Variants in AFF3 observed in about 807,000 individuals in gnomAD.
The protein encoded by AFF3 is AF4/FMR2 family member 3.
In AFF3, 32 loss-of-function variants were observed where a neutral mutation model predicts 129.7. The observed-to-expected ratio is 0.25, with a 90% CI of 0.19 to 0.33. The LOEUF (loss-of-function observed/expected upper bound fraction) is 0.33, where lower values mean the gene tolerates loss of function less well. Ranked by LOEUF, AFF3 falls within the 10% of genes least tolerant of loss-of-function variation. AFF3 has a pLI of 1.00. For missense variants in AFF3, 1,373 were observed against 1,592.0 expected (o/e 0.86, Z 2.34); for synonymous variants, 644 against 635.4 (o/e 1.01, Z -0.20).
chr2:99,816,407 A>G (rs1057225294), intron 8 of AFF3, among the ~76,000 whole-genome samples: 10 of 152,148 alleles, frequency 6.6e-5, no homozygotes, highest in Non-Finnish European at 1.0e-4. Flanking sequence ...TAAGTCTTGT[A>G]ATTTTTTGTT....
chr2:100,114,340 G>A (rs1252496342), intron 2 of AFF3, among the ~76,000 whole-genome samples: 1 of 152,104 alleles, frequency 6.6e-6, no homozygotes, highest in Non-Finnish European at 1.5e-5. Flanking sequence ...CTAAGGGTAC[G>A]GCCCTGTGTG....
rs147226945 is a variant in AFF3, at chr2:99,871,457, C to T, written c.874-33933G>A. 2.5e-4 allele frequency among the ~76,000 whole-genome samples: 38 copies of T among 151,964 alleles called. No homozygotes were observed. In the East Asian group the frequency reaches 5.0e-3, roughly 20 times the overall value. Reference sequence around the variant, plus strand: ...TCAATGAATTCTCTATGATCCATCGCGAAAATAGATTAAAAACCCAGATAA... The same window carrying T: ...TCAATGAATTCTCTATGATCCATCGTGAAAATAGATTAAAAACCCAGATAA... On this transcript the variant is annotated intron_variant, in intron 7 of 24. Coordinates refer to ENST00000672756, the MANE Select transcript of AFF3 (RefSeq NM_001386135.1).
At chr2:100,127,404 A>G (rs1471652794) in intron 2 of AFF3, among the ~76,000 whole-genome samples, 1 of 152,136 alleles carries the variant, frequency 6.6e-6, no homozygotes, top group Non-Finnish European at 1.5e-5. Context: ...CAAGGTTCAG[A>G]AAGGTTGAGG....
At chr2:99,926,717 A>G (rs1696271276) in intron 7 of AFF3, among the ~76,000 whole-genome samples, 1 of 151,932 alleles carries the variant, frequency 6.6e-6, no homozygotes, top group South Asian at 2.1e-4. Context: ...TGGGGGTTAC[A>G]GAGGATTAAG....
intron 7 of AFF3, among the ~76,000 whole-genome samples, chr2:99,876,508 C>T (rs1692310909): frequency 6.6e-6 from 1 of 152,104 alleles, no homozygotes; most frequent in African/African-American, 2.4e-5. Context: ...AGTGCTGTCA[C>T]TGTATCCTAA....
Position 99,547,204 on chromosome 2 carries a change from A to G in AFF3, c.*4270T>C, listed in dbSNP as rs890328858. On this transcript the variant is annotated 3_prime_UTR_variant, in exon 25 of 25. Transcript: ENST00000672756. ...GATTCTCAAGTTTCCGTGTAAAAATATTCACAGAAATTGGTGGATGTCTTT... is the reference window on the plus strand; with the variant it reads ...GATTCTCAAGTTTCCGTGTAAAAATGTTCACAGAAATTGGTGGATGTCTTT... 3.7e-5 allele frequency: 8 copies of G among 215,294 alleles called. No homozygotes were observed. Among genetic ancestry groups the G allele is most frequent in the African/African-American group, 1.4e-4 (6 of 44,340 alleles). The allele number at this position is 215,294 out of a possible 1,614,324, so 13.3% of individuals were successfully genotyped here. A position where few individuals can be genotyped will look rare whatever the true frequency, so the allele number is the denominator to read the frequency against.
At chr2:99,768,262 G>A (rs542433950) in intron 8 of AFF3, among the ~76,000 whole-genome samples, 1 of 152,242 alleles carries the variant, frequency 6.6e-6, no homozygotes, top group East Asian at 1.9e-4. Flanking sequence ...GCAAATGCAG[G>A]AGAGTGAAAC....
intron 4 of AFF3, among the ~76,000 whole-genome samples, chr2:100,053,598 T>C (rs574330424): frequency 3.2e-4 from 49 of 152,330 alleles, no homozygotes; most frequent in African/African-American, 1.0e-3. Context: ...CCTATTATGA[T>C]GAGACATATC....
chr2:99,756,173 CT>C (rs1682083024), intron 8 of AFF3, among the ~76,000 whole-genome samples: 2 of 152,216 alleles, frequency 1.3e-5, no homozygotes. Flanking sequence ...AGCCTAATGG[CT>C]CCCTCCAAAA....
At chr2:99,560,626 A>G (rs1057400347) in intron 20 of AFF3, among the ~76,000 whole-genome samples, 190 bp from the exon 21 acceptor site, 8 of 152,194 alleles carry the variant, frequency 5.3e-5, no homozygotes, top group African/African-American at 1.7e-4. Context: ...CAAGTATTAC[A>G]TTACTGTGAT....
rs372846610 is a variant in AFF3 at position 99,588,329 on chromosome 2, A to T, written c.2467-1051T>A. On this transcript the variant is annotated intron_variant, in intron 15 of 24. Transcript: ENST00000672756. The stretch of plus-strand genomic sequence containing the variant: ...GTAGCTGGGAATGCAAGTGTGTGCC[A>T]CCATGCCTGGCTAATTTTTTGTATT... Among the ~76,000 whole-genome samples, 11 of 152,126 alleles carry T rather than the reference A, an allele frequency of 7.2e-5. No homozygotes were observed. In the South Asian group the frequency reaches 1.2e-3, roughly 17 times the overall value.
At chr2:99,583,085 T>G in intron 16 of AFF3, 86 bp from the exon 17 acceptor site, 3 of 1,186,842 alleles carry the variant, frequency 2.5e-6, no homozygotes, top group Non-Finnish European at 3.7e-6. Flanking sequence ...ACCACCCAAC[T>G]GGGACCTGTT....
chr2:99,811,312 ACATT>A (rs1686771490), intron 8 of AFF3, among the ~76,000 whole-genome samples: 1 of 152,232 alleles, frequency 6.6e-6, no homozygotes, highest in Non-Finnish European at 1.5e-5. Flanking sequence ...AAGCACTTTG[ACATT>A]CATCCTTTTG....
chr2:99,776,569 C>T (rs1180812491), intron 8 of AFF3, among the ~76,000 whole-genome samples: 1 of 152,184 alleles, frequency 6.6e-6, no homozygotes, highest in Non-Finnish European at 1.5e-5. Context: ...ACATAATCAC[C>T]TGTCGAGGAT....
intron 1 of AFF3, among the ~76,000 whole-genome samples, chr2:100,139,769 G>C (rs541775071): frequency 6.6e-6 from 1 of 151,912 alleles, no homozygotes; most frequent in Non-Finnish European, 1.5e-5. Context: ...CCAAAAAAAA[G>C]GCAAATGAAA....
chr2:99,790,295 A>G (rs1032845536), intron 8 of AFF3, among the ~76,000 whole-genome samples: 3 of 152,270 alleles, frequency 2.0e-5, no homozygotes, highest in Admixed American at 2.0e-4. Flanking sequence ...AGTGTCTGAC[A>G]GCAGCACCCA....
chr2:99,584,972 G>T (rs764179514), intron 16 of AFF3, among the ~76,000 whole-genome samples: 1 of 152,188 alleles, frequency 6.6e-6, no homozygotes, highest in Non-Finnish European at 1.5e-5. Flanking sequence ...TATGCAAATG[G>T]ATACATGTGG....
chr2:99,708,625 C>A (rs1558771448), intron 11 of AFF3, among the ~76,000 whole-genome samples: 1 of 151,994 alleles, frequency 6.6e-6, no homozygotes, highest in Admixed American at 6.6e-5. Flanking sequence ...CACTTTGGGG[C>A]AATTTAGCAT....
At chr2:99,922,021 G>T (rs79086682) in intron 7 of AFF3, among the ~76,000 whole-genome samples, 3 of 151,986 alleles carry the variant, frequency 2.0e-5, no homozygotes, top group Non-Finnish European at 2.9e-5. Flanking sequence ...ACCAACACTC[G>T]CTCACTAGAA....
Sources: allele counts gnomAD v4.1 joint callset (sites outside exome capture counted in the v4.1 genomes callset), GRCh38; gene constraint gnomAD v4.1.1; transcripts MANE v1.5; gene names NCBI Gene and HGNC (gene_info 2026-07-23, HGNC 2026-07-21).